Variants in TENM2 observed in about 807,000 individuals in gnomAD.
The protein encoded by TENM2 is teneurin-2.
A neutral mutation model predicts 245.2 loss-of-function variants in TENM2; 52 were observed. The observed-to-expected ratio is 0.21, with a 90% confidence interval of 0.17 to 0.27. The LOEUF (loss-of-function observed/expected upper bound fraction) is 0.27. Among genes scored for constraint, TENM2 ranks in the 10% least tolerant of loss-of-function variants. The pLI, the probability that TENM2 is intolerant of heterozygous loss-of-function variation, is 1.00. For missense variants in TENM2, 3,046 were observed against 3,666.8 expected (o/e 0.83, Z 4.37); for synonymous variants, 1,363 against 1,438.9 (o/e 0.95, Z 1.19).
chr5:167,832,847 G>A (rs1458027558), intron 2 of TENM2, among the ~76,000 whole-genome samples: 1 of 150,830 alleles, frequency 6.6e-6, no homozygotes, highest in Non-Finnish European at 1.5e-5. Flanking sequence ...TCTCAATTCT[G>A]TCATATTCTT....
At chr5:167,065,435 A>G in the TENM2 span, among the ~76,000 whole-genome samples, 3 of 152,100 alleles carry the variant, frequency 2.0e-5, no homozygotes, top group African/African-American at 7.2e-5. Context: ...TATTCCACAA[A>G]CAGTAAATTC....
At chr5:168,030,088 G>C (rs1249442821) in intron 5 of TENM2, among the ~76,000 whole-genome samples, 2 of 151,316 alleles carry the variant, frequency 1.3e-5, no homozygotes, top group African/African-American at 4.9e-5. Context: ...GTACTGGATG[G>C]AGAGGAGGCA....
chr5:168,009,979 C>G (rs1785103677), intron 5 of TENM2, among the ~76,000 whole-genome samples: 1 of 152,174 alleles, frequency 6.6e-6, no homozygotes, highest in Non-Finnish European at 1.5e-5. Flanking sequence ...TTCACTTCAG[C>G]CCACAAGAGA....
At chr5:167,909,421 A>G (rs1176980781) in intron 3 of TENM2, among the ~76,000 whole-genome samples, 1 of 152,164 alleles carries the variant, frequency 6.6e-6, no homozygotes, top group Non-Finnish European at 1.5e-5. Flanking sequence ...TACCCCCTAA[A>G]TCTAAAATAA....
At chr5:167,632,480 A>G (rs1417059572) in intron 2 of TENM2, among the ~76,000 whole-genome samples, 2 of 152,234 alleles carry the variant, frequency 1.3e-5, no homozygotes, top group African/African-American at 4.8e-5. Flanking sequence ...TTTAATACAT[A>G]TTTCTAAGGC....
intron 1 of TENM2, among the ~76,000 whole-genome samples, chr5:167,342,346 G>T (rs1488566448): frequency 6.6e-6 from 1 of 151,980 alleles, no homozygotes; most frequent in East Asian, 1.9e-4. Context: ...CTTGATCAAA[G>T]TAGAGTAATG....
At chr5:168,119,623 C>T (rs1189957311) in intron 10 of TENM2, among the ~76,000 whole-genome samples, 1 of 152,196 alleles carries the variant, frequency 6.6e-6, no homozygotes, top group African/African-American at 2.4e-5. Flanking sequence ...CATAGACCCT[C>T]TCAGCCCCTT....
chr5:167,441,805 C>A (rs1764895397), intron 2 of TENM2, among the ~76,000 whole-genome samples: 1 of 152,134 alleles, frequency 6.6e-6, no homozygotes, highest in African/African-American at 2.4e-5. Flanking sequence ...ATGTGCTTCT[C>A]TTGCGATGAT....
chr5:167,684,201 C>T (rs1016638867), intron 2 of TENM2, among the ~76,000 whole-genome samples: 1 of 152,216 alleles, frequency 6.6e-6, no homozygotes, highest in Admixed American at 6.5e-5. Flanking sequence ...TTGCATGAGA[C>T]AGATGGTCTC....
At chr5:168,042,405 T>G (rs1388492067) in intron 5 of TENM2, among the ~76,000 whole-genome samples, 1 of 152,192 alleles carries the variant, frequency 6.6e-6, no homozygotes, top group Non-Finnish European at 1.5e-5. Flanking sequence ...AGCAGCTCTC[T>G]GGGAAGTATT....
chr5:167,655,851 C>T (rs891217687), intron 2 of TENM2, among the ~76,000 whole-genome samples: 3 of 152,158 alleles, frequency 2.0e-5, no homozygotes, highest in Admixed American at 1.3e-4. Flanking sequence ...ACACAAAATA[C>T]TATCCTAAAC....
the TENM2 span, among the ~76,000 whole-genome samples, chr5:167,013,111 G>A: frequency 6.6e-6 from 1 of 152,170 alleles, no homozygotes; most frequent in East Asian, 1.9e-4. Context: ...AGTCTTATTT[G>A]AGGGAAGATA....
chr5:167,576,561 T>A (rs1052531008), intron 2 of TENM2, among the ~76,000 whole-genome samples: 3 of 152,220 alleles, frequency 2.0e-5, no homozygotes, highest in African/African-American at 7.2e-5. Context: ...GTCTGTTTGC[T>A]GTGTTCCGTT....
At chr5:167,456,264 G>A (rs934674983) in intron 2 of TENM2, among the ~76,000 whole-genome samples, 2 of 152,112 alleles carry the variant, frequency 1.3e-5, no homozygotes, top group African/African-American at 4.8e-5. Flanking sequence ...TGAGCATTCT[G>A]GGGAGGAAGA....
intron 2 of TENM2, among the ~76,000 whole-genome samples, chr5:167,861,616 T>A (rs890141014): frequency 6.6e-6 from 1 of 152,210 alleles, no homozygotes; most frequent in Non-Finnish European, 1.5e-5. Context: ...GTTCTAGCCA[T>A]GCAAACGCTG....
intron 5 of TENM2, among the ~76,000 whole-genome samples, chr5:168,000,029 C>G (rs1400488684): frequency 6.6e-6 from 1 of 152,160 alleles, no homozygotes; most frequent in Non-Finnish European, 1.5e-5. Context: ...CAAGCCTTGC[C>G]CTAGACTTTC....
At chr5:167,405,661 A>T (rs1581953897) in intron 2 of TENM2, among the ~76,000 whole-genome samples, 1 of 151,770 alleles carries the variant, frequency 6.6e-6, no homozygotes, top group Non-Finnish European at 1.5e-5. Flanking sequence ...GCTCCATGAG[A>T]ACTGTTTCTG....
intron 23 of TENM2, among the ~76,000 whole-genome samples, chr5:168,224,572 C>CAACA (rs1763980944): frequency 6.6e-6 from 1 of 152,154 alleles, no homozygotes; most frequent in African/African-American, 2.4e-5. Context: ...CGACAACATC[C>CAACA]AACAGGCCAC....
the TENM2 span, among the ~76,000 whole-genome samples, chr5:166,980,418 A>T: frequency 1.3e-5 from 2 of 152,044 alleles, no homozygotes; most frequent in South Asian, 4.1e-4. Flanking sequence ...TTGAACTCTA[A>T]CTCTTTTCTT....
Sources: gnomAD v4.1 joint callset for allele counts (sites outside exome capture counted in the v4.1 genomes callset) on GRCh38, gnomAD v4.1.1 for gene constraint, MANE v1.5 for transcripts, NCBI Gene and HGNC (gene_info 2026-07-23, HGNC 2026-07-21) for gene names.